The following POFUT3 variants were observed in gnomAD, a reference collection of about 807,000 sequenced individuals.
The protein encoded by POFUT3 is GDP-fucose protein O-fucosyltransferase 3.
the POFUT3 span, among the ~76,000 whole-genome samples, chr8:33,418,571 G>C: frequency 6.6e-6 from 1 of 152,008 alleles, no homozygotes; most frequent in Non-Finnish European, 1.5e-5. Flanking sequence ...TCAAAGTGCT[G>C]AGATTACAGG....
At chr8:33,389,829 A>C in the POFUT3 span, 1 of 1,470,914 alleles carries the variant, frequency 6.8e-7, no homozygotes, top group Non-Finnish European at 9.5e-7. Context: ...ATTAATTAGT[A>C]TTTCCAAAAG....
chr8:33,360,034 AAAC>A, the POFUT3 span, among the ~76,000 whole-genome samples: 47 of 151,792 alleles, frequency 3.1e-4, no homozygotes, highest in Middle Eastern at 3.4e-3. Context: ...CAAACAAACA[AAAC>A]AACAACAAAA....
chr8:33,323,630 C>A, the POFUT3 span, among the ~76,000 whole-genome samples: 1 of 152,168 alleles, frequency 6.6e-6, no homozygotes, highest in Non-Finnish European at 1.5e-5. Context: ...TGTAGACTTA[C>A]TCCCAATTCA....
the POFUT3 span, among the ~76,000 whole-genome samples, chr8:33,450,688 TGA>T: frequency 2.6e-5 from 4 of 152,172 alleles, no homozygotes; most frequent in Non-Finnish European, 5.9e-5. Flanking sequence ...CGGTTCTCCA[TGA>T]GAGTCACTGA....
the POFUT3 span, among the ~76,000 whole-genome samples, chr8:33,318,525 A>C: frequency 8.1e-6 from 1 of 123,730 alleles, no homozygotes; most frequent in African/African-American, 3.1e-5. Flanking sequence ...TGATTATAAT[A>C]ATCATAATAT....
chr8:33,362,382 G>A, the POFUT3 span, among the ~76,000 whole-genome samples: 58 of 152,158 alleles, frequency 3.8e-4, 1 homozygote, highest in Admixed American at 1.9e-3. Context: ...AATAACCAGC[G>A]AACATCATAA....
the POFUT3 span, among the ~76,000 whole-genome samples, chr8:33,357,621 CT>C: frequency 2.6e-5 from 4 of 151,572 alleles, no homozygotes; most frequent in Non-Finnish European, 5.9e-5. Flanking sequence ...TTGTTTTCCC[CT>C]ATTCCTTTTC....
chr8:33,363,192 G>A, the POFUT3 span, among the ~76,000 whole-genome samples: 2 of 152,084 alleles, frequency 1.3e-5, no homozygotes, highest in African/African-American at 4.8e-5. Context: ...CAAAATGAAG[G>A]GAGACATAAA....
the POFUT3 span, among the ~76,000 whole-genome samples, chr8:33,439,364 A>G: frequency 9.3e-5 from 14 of 151,212 alleles, no homozygotes; most frequent in African/African-American, 1.9e-4. Context: ...GATCATGCCA[A>G]TGCACTCCAG....
At chr8:33,380,187 TAC>T in the POFUT3 span, among the ~76,000 whole-genome samples, 1 of 51,302 alleles carries the variant, frequency 1.9e-5, no homozygotes, top group Non-Finnish European at 3.1e-5. Flanking sequence ...TATATATATA[TAC>T]TATATATATA....
At chr8:33,449,278 ATTTTTTTTTTTT>A in the POFUT3 span, among the ~76,000 whole-genome samples, 5 of 53,760 alleles carry the variant, frequency 9.3e-5, no homozygotes, top group African/African-American at 4.0e-4. Context: ...ATCCGAGTTG[ATTTTTTTTTTTT>A]TTTTTTTTTT....
At chr8:33,365,483 T>C in the POFUT3 span, among the ~76,000 whole-genome samples, 6 of 152,250 alleles carry the variant, frequency 3.9e-5, no homozygotes, top group Non-Finnish European at 7.4e-5. Context: ...ACCTACAGAA[T>C]GGGAGAAAAT....
chr8:33,379,845 A>AAAATATATATATATATAT, the POFUT3 span, among the ~76,000 whole-genome samples: 3 of 45,270 alleles, frequency 6.6e-5, no homozygotes, highest in African/African-American at 1.8e-4. Context: ...AAAAAAAAAA[A>AAAATATATATATATATAT]AATATATATA....
At chr8:33,465,405 T>TATATATATAC in the POFUT3 span, among the ~76,000 whole-genome samples, 8 of 139,618 alleles carry the variant, frequency 5.7e-5, no homozygotes, top group East Asian at 2.1e-4. Context: ...TATATATATA[T>TATATATATAC]ACACACATAC....
chr8:33,388,724 CAGAAGAAACAATAAA>C, the POFUT3 span, among the ~76,000 whole-genome samples: 1 of 152,064 alleles, frequency 6.6e-6, no homozygotes, highest in Non-Finnish European at 1.5e-5. Flanking sequence ...CGGGATCCCC[CAGAAGAAACAATAAA>C]GGAGAATGAA....
chr8:33,312,277 TAGAG>T, the POFUT3 span, among the ~76,000 whole-genome samples: 1,272 of 137,592 alleles, frequency 9.2e-3, 22 homozygotes, highest in African/African-American at 0.029. Flanking sequence ...AAAAAAGAAA[TAGAG>T]AGAGAGAGAG....
At chr8:33,449,388 T>C in the POFUT3 span, among the ~76,000 whole-genome samples, 1 of 143,662 alleles carries the variant, frequency 7.0e-6, no homozygotes, top group African/African-American at 2.6e-5. Context: ...CTCCCAGGTT[T>C]AAGCGATTCT....
At chr8:33,379,098 CCTCCT>C in the POFUT3 span, among the ~76,000 whole-genome samples, 1 of 152,104 alleles carries the variant, frequency 6.6e-6, no homozygotes, top group African/African-American at 2.4e-5. Flanking sequence ...CCCTCCCTCC[CCTCCT>C]GCTTTGTCGT....
At chr8:33,353,987 T>C in the POFUT3 span, among the ~76,000 whole-genome samples, 9 of 152,256 alleles carry the variant, frequency 5.9e-5, no homozygotes, top group Middle Eastern at 6.8e-3. Context: ...TAACACTATT[T>C]TTATATCTCC....
Sources: allele counts gnomAD v4.1 joint callset (sites outside exome capture counted in the v4.1 genomes callset), GRCh38; gene constraint gnomAD v4.1.1; transcripts MANE v1.5; gene names NCBI Gene and HGNC (gene_info 2026-07-23, HGNC 2026-07-21).